Variants in GPM6A observed in about 807,000 individuals in gnomAD.
GPM6A encodes the protein glycoprotein M6A, also known as neuronal membrane glycoprotein M6-a.
Under a neutral mutation model 32.1 loss-of-function variants are expected in GPM6A, and 7 were observed. That is an observed-to-expected ratio of 0.22 (90% CI 0.12 to 0.41). The LOEUF (loss-of-function observed/expected upper bound fraction) is 0.41, where lower values mean the gene tolerates loss of function less well. GPM6A is among the 10% of genes least tolerant of loss of function. The probability of loss-of-function intolerance (pLI) is 1.00; values close to 1 mark genes in which losing one functional copy is unlikely to be tolerated. For synonymous variants in GPM6A, 130 were observed against 123.4 expected (o/e 1.05, Z -0.35); for missense variants, 235 against 347.2 (o/e 0.68, Z 2.57).
intron 1 of GPM6A, among the ~76,000 whole-genome samples, chr4:175,724,915 G>A (rs1746327182): frequency 6.6e-6 from 1 of 151,968 alleles, no homozygotes; most frequent in African/African-American, 2.4e-5. Flanking sequence ...TCTCCTCCTT[G>A]CTGTGTCACT....
chr4:175,921,258 C>A (rs1369461279), intron 1 of GPM6A, among the ~76,000 whole-genome samples: 1 of 152,108 alleles, frequency 6.6e-6, no homozygotes, highest in Non-Finnish European at 1.5e-5. Context: ...AAAAAATCAT[C>A]TCCAATCTTC....
chr4:175,850,134 A>G (rs927721900), intron 1 of GPM6A, among the ~76,000 whole-genome samples: 1 of 152,210 alleles, frequency 6.6e-6, no homozygotes, highest in South Asian at 2.1e-4. Flanking sequence ...ACGAAAGAAG[A>G]CAACCTTCTT....
chr4:175,948,205 G>C (rs545140117), intron 1 of GPM6A, among the ~76,000 whole-genome samples: 1 of 152,298 alleles, frequency 6.6e-6, no homozygotes, highest in Admixed American at 6.5e-5. Flanking sequence ...GTGTCCCCCT[G>C]AAAGTTCACA....
chr4:175,806,401 C>T (rs1358646244), intron 1 of GPM6A, among the ~76,000 whole-genome samples: 2 of 152,164 alleles, frequency 1.3e-5, no homozygotes, highest in Non-Finnish European at 2.9e-5. Context: ...ATATCAAGCA[C>T]TTTCATTTGA....
rs377014286 is a variant in GPM6A at position 175,782,263 on chromosome 4, A to T, written c.37+29928T>A. Among the ~76,000 whole-genome samples the T allele has an allele frequency of 7.2e-5, 11 of 152,074 alleles. No homozygotes were observed. The East Asian group carries it at 1.9e-3, about 27-fold the overall frequency. ...GAGAATATCTCTGTGTTTCTCAACGATTTTTTTCCCTCACCCACCTAGGCT... is the reference window on the plus strand; with the variant it reads ...GAGAATATCTCTGTGTTTCTCAACGTTTTTTTTCCCTCACCCACCTAGGCT... On this transcript the variant is annotated intron_variant, in intron 1 of 6. Transcript: ENST00000393658.
chr4:175,976,047 G>A (rs1740646601), intron 1 of GPM6A, among the ~76,000 whole-genome samples: 1 of 151,930 alleles, frequency 6.6e-6, no homozygotes, highest in Non-Finnish European at 1.5e-5. Context: ...TTCTAATTTG[G>A]CCTTGTGTTA....
chr4:175,788,836 C>T (rs1031249928), intron 1 of GPM6A, among the ~76,000 whole-genome samples: 58 of 152,102 alleles, frequency 3.8e-4, no homozygotes, highest in African/African-American at 1.3e-3. Flanking sequence ...ATTAATAAGG[C>T]TATCTAAAAA....
At chr4:175,965,507 C>A (rs1169479259) in intron 1 of GPM6A, among the ~76,000 whole-genome samples, 5 of 151,856 alleles carry the variant, frequency 3.3e-5, no homozygotes, top group African/African-American at 7.3e-5. Context: ...TAGAATGGTT[C>A]TTTCAAAAGA....
chr4:175,830,183 G>A (rs4690637), intron 1 of GPM6A, among the ~76,000 whole-genome samples: 146,119 of 152,204 alleles, frequency 0.96, 70,427 homozygotes, highest in East Asian at 1. Context: ...GGTGGTGATG[G>A]TTGAGCTGGT....
chr4:175,893,215 A>C (rs1295630548), intron 1 of GPM6A, among the ~76,000 whole-genome samples: 1 of 152,172 alleles, frequency 6.6e-6, no homozygotes, highest in Non-Finnish European at 1.5e-5. Context: ...CCAGCTTCTT[A>C]AACTGTGGCA....
chr4:175,926,893 T>C (rs1313756798), intron 1 of GPM6A, among the ~76,000 whole-genome samples: 1 of 152,220 alleles, frequency 6.6e-6, no homozygotes, highest in Non-Finnish European at 1.5e-5. Context: ...TAACCATTCC[T>C]ATATGCAGAA....
intron 1 of GPM6A, among the ~76,000 whole-genome samples, chr4:175,940,617 G>A (rs755521782): frequency 2.6e-5 from 4 of 151,430 alleles, no homozygotes; most frequent in Non-Finnish European, 4.4e-5. Flanking sequence ...CTTCTCCCAC[G>A]TCCCCCCGAG....
At chr4:175,974,829 C>T (rs1740612347) in intron 1 of GPM6A, among the ~76,000 whole-genome samples, 1 of 151,658 alleles carries the variant, frequency 6.6e-6, no homozygotes, top group African/African-American at 2.4e-5. Flanking sequence ...ACTACAGGCA[C>T]ATGCCACCAT....
At chr4:175,667,358 G>T (rs1331098927) in intron 3 of GPM6A, among the ~76,000 whole-genome samples, 1 of 152,056 alleles carries the variant, frequency 6.6e-6, no homozygotes, top group Non-Finnish European at 1.5e-5. Context: ...CAGCCAAAGT[G>T]CATTTACAAA....
At chr4:175,760,521 A>C (rs917025337) in intron 1 of GPM6A, among the ~76,000 whole-genome samples, 1 of 152,208 alleles carries the variant, frequency 6.6e-6, no homozygotes. Context: ...TATGCTCAAA[A>C]GACTCTCATG....
intron 6 of GPM6A, among the ~76,000 whole-genome samples, chr4:175,636,956 GTATT>G (rs1278744466): frequency 8.5e-6 from 1 of 118,048 alleles, no homozygotes; most frequent in African/African-American, 3.4e-5. Context: ...ATATATATAT[GTATT>G]TATATATATT....
intron 1 of GPM6A, among the ~76,000 whole-genome samples, chr4:176,000,321 A>G (rs1579700359): frequency 6.6e-6 from 1 of 152,186 alleles, no homozygotes. Context: ...GACAGGAAAG[A>G]GAACTTCTAA....
chr4:175,810,797 G>C (rs979001751), intron 1 of GPM6A, among the ~76,000 whole-genome samples: 5 of 152,142 alleles, frequency 3.3e-5, no homozygotes, highest in African/African-American at 1.2e-4. Flanking sequence ...GAGATGTCTT[G>C]TAAGAACAGA....
At chr4:175,972,586 T>C (rs1740538695) in intron 1 of GPM6A, among the ~76,000 whole-genome samples, 1 of 152,232 alleles carries the variant, frequency 6.6e-6, no homozygotes, top group Non-Finnish European at 1.5e-5. Context: ...TAATTTACGG[T>C]GCTAGGATCT....
Sources: gnomAD v4.1 joint callset for allele counts (sites outside exome capture counted in the v4.1 genomes callset) on GRCh38, gnomAD v4.1.1 for gene constraint, MANE v1.5 for transcripts, NCBI Gene and HGNC (gene_info 2026-07-23, HGNC 2026-07-21) for gene names.